The following NBEAL1 variants were observed in gnomAD, a reference collection of about 807,000 sequenced individuals.
NBEAL1 encodes the protein neurobeachin-like protein 1.
Under a neutral mutation model 351.3 loss-of-function variants are expected in NBEAL1, and 273 were observed. The observed-to-expected ratio is 0.78, with a 90% CI of 0.70 to 0.86. NBEAL1 has a LOEUF of 0.86. Ranked by LOEUF, NBEAL1 falls within the 40% of genes least tolerant of loss-of-function variation. The pLI is 0.00. For synonymous variants in NBEAL1, 1,050 were observed against 1,086.4 expected, an observed-to-expected ratio of 0.97 and a Z score of 0.66; for missense variants, 2,961 against 3,201.3, an observed-to-expected ratio of 0.92 and a Z score of 1.81.
At chr2:203,203,463 C>G (rs568165388) in intron 51 of NBEAL1, among the ~76,000 whole-genome samples, 1 of 152,150 alleles carries the variant, frequency 6.6e-6, no homozygotes, top group African/African-American at 2.4e-5. Context: ...GTATGAGCCA[C>G]TGTGCCCGGT....
intron 10 of NBEAL1, among the ~76,000 whole-genome samples, chr2:203,091,150 C>G (rs999649095): frequency 6.6e-6 from 1 of 152,112 alleles, no homozygotes; most frequent in Admixed American, 6.5e-5. Context: ...TTCCTCTCAC[C>G]TCAGCCCCTG....
intron 33 of NBEAL1, among the ~76,000 whole-genome samples, chr2:203,148,140 G>A (rs1187388934): frequency 6.6e-6 from 1 of 150,992 alleles, no homozygotes; most frequent in Admixed American, 6.6e-5. Context: ...TTATAATAAC[G>A]ACAACCACAA....
intron 36 of NBEAL1, among the ~76,000 whole-genome samples, chr2:203,160,235 A>G (rs939563704): frequency 2.6e-5 from 4 of 151,784 alleles, no homozygotes; most frequent in Non-Finnish European, 5.9e-5. Flanking sequence ...ATCTGCCACC[A>G]TGCTCCCGCT....
chr2:203,126,611 G>T lies in NBEAL1; in HGVS notation c.3040G>T (p.Glu1014Ter). Residue 1014 changes from glutamate to a stop codon, truncating the protein, a stop_gained, in exon 22 of 56, where the codon GAA becomes TAA. Coordinates refer to ENST00000683969, the MANE Select transcript of NBEAL1 (RefSeq NM_001378026.1). LOFTEE classifies it high-confidence loss of function. ...NVLMAVQLLI[E>*]QVSLEKNMQL... The stretch of plus-strand genomic sequence containing the variant: ...GTTGATGGCAGTTCAGTTACTAATT[G>T]AACAAGTATCATTAGAGAAAAATAT... 1.3e-6 allele frequency: 2 copies of T among 1,522,886 alleles called. No homozygotes were observed. Among genetic ancestry groups the T allele is most frequent in the South Asian group, 2.6e-5 (2 of 77,976 alleles). 94.3% of individuals were successfully genotyped at this position (1,522,886 alleles called of 1,614,324 possible). A position where few individuals can be genotyped will look rare whatever the true frequency, so the allele number is the denominator to read the frequency against.
At chr2:203,111,184 A>C (rs990391688) in intron 15 of NBEAL1, among the ~76,000 whole-genome samples, 2 of 152,102 alleles carry the variant, frequency 1.3e-5, no homozygotes, top group Admixed American at 6.6e-5. Context: ...TTGAAAAATT[A>C]GTTGGGTGAG....
intron 24 of NBEAL1, among the ~76,000 whole-genome samples, chr2:203,128,243 C>A (rs1010660497): frequency 6.8e-6 from 1 of 147,490 alleles, no homozygotes; most frequent in African/African-American, 2.5e-5. Flanking sequence ...TGCACCCCCA[C>A]ACTGAGCTAA....
At chr2:203,168,848 C>T in intron 38 of NBEAL1, among the ~76,000 whole-genome samples, 1 of 135,862 alleles carries the variant, frequency 7.4e-6, no homozygotes, top group East Asian at 2.2e-4. Flanking sequence ...GAGCCGAGAT[C>T]ACGCCAGTGC....
Position 203,225,191 on chromosome 2 carries a change from T to C in NBEAL1, c.*7837T>C, listed in dbSNP as rs1305092338. Among the ~76,000 whole-genome samples, 1 of 152,342 alleles carries C rather than the reference T, an allele frequency of 6.6e-6. No individual in the cohort carries two copies. Among genetic ancestry groups the C allele is most frequent in the East Asian group, 1.9e-4 (1 of 5,194 alleles). ...AAATAAAAAAAGTGATGTTACTTTCTTCAGTTGATTTGTAATTCTCAGTTC... is the reference window on the plus strand; with the variant it reads ...AAATAAAAAAAGTGATGTTACTTTCCTCAGTTGATTTGTAATTCTCAGTTC... On this transcript the variant is annotated 3_prime_UTR_variant, in exon 56 of 56. Coordinates refer to ENST00000683969, the MANE Select transcript of NBEAL1 (RefSeq NM_001378026.1).
At chr2:203,110,829 G>A (rs1366320957) in intron 15 of NBEAL1, among the ~76,000 whole-genome samples, 1 of 131,062 alleles carries the variant, frequency 7.6e-6, no homozygotes, top group Non-Finnish European at 1.5e-5. Flanking sequence ...ACAGTGGCAC[G>A]ATCTTAACTC....
At chr2:203,063,062 T>C (rs955282626) in intron 6 of NBEAL1, among the ~76,000 whole-genome samples, 2 of 152,260 alleles carry the variant, frequency 1.3e-5, no homozygotes, top group Non-Finnish European at 2.9e-5. Flanking sequence ...CTTTTCTTAT[T>C]TGATGACAAC....
chr2:203,046,920 A>G (rs1183996014), intron 3 of NBEAL1, among the ~76,000 whole-genome samples: 1 of 152,172 alleles, frequency 6.6e-6, no homozygotes, highest in Non-Finnish European at 1.5e-5. Context: ...TCTGCCTGTA[A>G]TGCCAGCACT....
chr2:203,175,573 G>T (rs72936309), intron 42 of NBEAL1, among the ~76,000 whole-genome samples: 13,886 of 152,116 alleles, frequency 0.091, 751 homozygotes, highest in Non-Finnish European at 0.12. Flanking sequence ...TAAATCTAAG[G>T]CATCACCGGA....
rs1025488870 is a variant in NBEAL1 at position 203,217,308 on chromosome 2, A to G, written c.8126A>G (p.Gln2709Arg). The G allele has an allele frequency of 1.2e-6, 2 of 1,603,148 alleles. No individual in the cohort carries two copies. Among genetic ancestry groups the G allele is most frequent in the Admixed American group, 1.7e-5 (1 of 58,074 alleles). The change falls in exon 56 of 56, where the codon CAG becomes CGG. Residue 2709 changes from glutamine to arginine, a missense_variant. Physicochemically the swap from Gln to Arg is conservative, Grantham distance 43 (BLOSUM62 1). Coordinates refer to ENST00000683969, the MANE Select transcript of NBEAL1 (RefSeq NM_001378026.1). The part of the protein sequence containing the change: ...KFWGSSKRLS[Q>R]ISAGETEYNT... The stretch of plus-strand genomic sequence containing the variant: ...TGGGGATCGAGCAAGCGGCTCAGCC[A>G]GATTTCAGCTGGAGAAACTGAATAT...
At chr2:203,046,614 T>A (rs571124535) in intron 3 of NBEAL1, among the ~76,000 whole-genome samples, 1 of 152,138 alleles carries the variant, frequency 6.6e-6, no homozygotes, top group Non-Finnish European at 1.5e-5. Flanking sequence ...AGGGCCTGTC[T>A]TCTGTTTCTT....
intron 55 of NBEAL1, among the ~76,000 whole-genome samples, chr2:203,216,547 C>G (rs2065898170): frequency 6.6e-6 from 1 of 151,818 alleles, no homozygotes; most frequent in South Asian, 2.1e-4. Context: ...ACTTCACCAG[C>G]CTGGGCAATA....
rs760279752 is a variant in NBEAL1 at position 203,167,330 on chromosome 2, A to G, written c.5967A>G (p.Gln1989=). Residue 1989 remains glutamine (Q), a synonymous_variant, in exon 38 of 56, where the codon CAA becomes CAG. Transcript: ENST00000683969. The part of the protein sequence containing the change: ...RSALEIFHVD[Q]SNYFLNFKKE... ...CCCTTGAGATTTTTCATGTTGACCA[A>G]TCCAACTACTTTCTCAATTTCAAAA... 5.6e-6 allele frequency: 9 copies of G among 1,611,094 alleles called. No homozygotes were observed. Among genetic ancestry groups the G allele is most frequent in the Non-Finnish European group, 2.5e-6 (3 of 1,178,862 alleles).
chr2:203,113,221 A>G lies in NBEAL1; in HGVS notation c.2409A>G (p.Glu803=). 1 of 1,543,294 alleles carries G rather than the reference A, an allele frequency of 6.5e-7. No homozygotes were observed. Among genetic ancestry groups the G allele is most frequent in the Non-Finnish European group, 8.7e-7 (1 of 1,142,962 alleles). Residue 803 remains glutamate (E), a synonymous_variant, in exon 17 of 56, where the codon GAA becomes GAG. Transcript: ENST00000683969. ...KLISAGTQDS[E]WGCPTSLEGQ... ...TATCAGCTGGAACCCAAGACAGTGA[A>G]TGGGGGTGTCCCACATCTCTGGAGG...
At chr2:203,072,431 G>T in intron 7 of NBEAL1, among the ~76,000 whole-genome samples, 1 of 151,196 alleles carries the variant, frequency 6.6e-6, no homozygotes. Context: ...TTTAAATTTG[G>T]ATAGACTGAG....
chr2:203,222,342 A>T lies in NBEAL1; in HGVS notation c.*4988A>T, dbSNP rs1226171303. On this transcript the variant is annotated 3_prime_UTR_variant, in exon 56 of 56. Coordinates refer to ENST00000683969, the MANE Select transcript of NBEAL1 (RefSeq NM_001378026.1). Reference sequence around the variant, plus strand: ...AATCTCTTTGCTTGATATTCTTGGTATTAAAAAATTATGTCTGAGGATTAT... The same window carrying T: ...AATCTCTTTGCTTGATATTCTTGGTTTTAAAAAATTATGTCTGAGGATTAT... 3.3e-5 allele frequency among the ~76,000 whole-genome samples: 5 copies of T among 152,186 alleles called. No individual in the cohort carries two copies. Among genetic ancestry groups the T allele is most frequent in the Non-Finnish European group, 7.3e-5 (5 of 68,032 alleles).
Sources: gnomAD v4.1 joint callset for allele counts (sites outside exome capture counted in the v4.1 genomes callset) on GRCh38, gnomAD v4.1.1 for gene constraint, MANE v1.5 for transcripts, NCBI Gene and HGNC (gene_info 2026-07-23, HGNC 2026-07-21) for gene names.